IQGAP2: variants seen among roughly 807,000 people sequenced by gnomAD.
IQGAP2 encodes IQ motif containing GTPase activating protein 2.
In IQGAP2, 173 loss-of-function variants were observed where a neutral mutation model predicts 201.3. The ratio of observed to expected loss-of-function variants is 0.86; its 90% CI spans 0.76 to 0.98. IQGAP2 has a LOEUF of 0.98. Among genes scored for constraint, IQGAP2 ranks in the 50% least tolerant of loss-of-function variants. The pLI, the probability that IQGAP2 is intolerant of heterozygous loss-of-function variation, is 0.00. For synonymous variants in IQGAP2, 675 were observed against 673.9 expected (o/e 1.00, Z -0.03); for missense variants, 1,687 against 1,864.8 (o/e 0.90, Z 1.76).
rs112942370 is a variant in IQGAP2, at chr5:76,556,502, C to T, written c.147-5894C>T. ...CTTACCAAGGACTCCCATACCCTTG[C>T]TATCTGCCTGCGTGATTTCTTCTTA... On this transcript the variant is annotated intron_variant, in intron 2 of 35. Transcript: ENST00000274364. Among the ~76,000 whole-genome samples, 627 of 152,310 alleles carry T rather than the reference C, an allele frequency of 4.1e-3. 2 individuals are homozygous for T. Among genetic ancestry groups the T allele is most frequent in the East Asian group, 0.015 (76 of 5,190 alleles).
chr5:76,480,760 T>C (rs1404413934), intron 2 of IQGAP2, among the ~76,000 whole-genome samples: 8 of 152,240 alleles, frequency 5.3e-5, no homozygotes. Context: ...GTACCTTGAC[T>C]GAGGATGTGA....
Position 76,683,134 on chromosome 5 carries a change from A to T in IQGAP2, c.3680A>T (p.Asp1227Val). 1 of 1,610,994 alleles carries T rather than the reference A, an allele frequency of 6.2e-7. No homozygotes were observed. Among genetic ancestry groups the T allele is most frequent in the Non-Finnish European group, 8.5e-7 (1 of 1,178,298 alleles). Residue 1227 changes from aspartate (D) to valine (V), a missense_variant, in exon 29 of 36, where the codon GAT becomes GTT. Asp to Val is a radical substitution (Grantham distance 152, BLOSUM62 -3). Coordinates refer to ENST00000274364, the MANE Select transcript of IQGAP2 (RefSeq NM_006633.5). The stretch of plus-strand genomic sequence containing the variant: ...ATAAAGCTCCTGTTGGAACACCAGG[A>T]TGCAATTGCCCCTGAGAAAAATGAC... ...STHSLLLEHQ[D>V]AIAPEKNDLL...
intron 17 of IQGAP2, 128 bp downstream of exon 17, chr5:76,641,231 A>G (rs1393394103): frequency 1.6e-6 from 1 of 644,822 alleles, no homozygotes. Context: ...TTACATAATC[A>G]GTGCCCCTAG....
intron 2 of IQGAP2, among the ~76,000 whole-genome samples, chr5:76,490,897 A>T (rs1756497289): frequency 6.6e-6 from 1 of 152,174 alleles, no homozygotes; most frequent in East Asian, 1.9e-4. Flanking sequence ...TAAATATTCA[A>T]GTTTAAAAGC....
At chr5:76,657,172 C>T (rs781337228) in intron 20 of IQGAP2, among the ~76,000 whole-genome samples, 61 of 152,246 alleles carry the variant, frequency 4.0e-4, no homozygotes, top group African/African-American at 7.2e-4. Flanking sequence ...TAGTTTTTTC[C>T]GATGGGACTG....
intron 1 of IQGAP2, among the ~76,000 whole-genome samples, chr5:76,415,680 A>T (rs1438279647): frequency 6.6e-6 from 1 of 152,216 alleles, no homozygotes; most frequent in East Asian, 1.9e-4. Context: ...AGTGGTTCCC[A>T]CCTGTAATCC....
chr5:76,419,828 T>C (rs1217079062), intron 1 of IQGAP2, among the ~76,000 whole-genome samples: 1 of 152,284 alleles, frequency 6.6e-6, no homozygotes, highest in Non-Finnish European at 1.5e-5. Flanking sequence ...CCCTAAATCC[T>C]TCAGCACACA....
intron 1 of IQGAP2, among the ~76,000 whole-genome samples, chr5:76,409,982 T>A (rs1046666713): frequency 6.6e-6 from 1 of 152,212 alleles, no homozygotes; most frequent in Non-Finnish European, 1.5e-5. Flanking sequence ...GATATATCTA[T>A]AGAGGTGGCT....
chr5:76,485,525 A>G (rs1756074272), intron 2 of IQGAP2, among the ~76,000 whole-genome samples: 1 of 151,916 alleles, frequency 6.6e-6, no homozygotes, highest in Admixed American at 6.6e-5. Flanking sequence ...TACATTGAAA[A>G]CCACCCAGTA....
intron 13 of IQGAP2, chr5:76,618,037 A>T: frequency 6.2e-7 from 1 of 1,614,192 alleles, no homozygotes; most frequent in South Asian, 1.1e-5. Flanking sequence ...GGCAGCATAT[A>T]TAAGAAAACT....
At chr5:76,570,536 G>T (rs1361087060) in intron 3 of IQGAP2, 44 bp from the exon 4 acceptor site, 1 of 1,344,880 alleles carries the variant, frequency 7.4e-7, no homozygotes, top group Non-Finnish European at 1.1e-6. Context: ...CTCACTTTTT[G>T]TGTGGTTCCT....
intron 2 of IQGAP2, among the ~76,000 whole-genome samples, chr5:76,488,429 T>A (rs1756311037): frequency 1.3e-5 from 2 of 152,226 alleles, no homozygotes; most frequent in Non-Finnish European, 2.9e-5. Flanking sequence ...TGAATGCCTA[T>A]CTTTTAAGAT....
Position 76,668,843 on chromosome 5 carries a change from A to C in IQGAP2, c.2842A>C (p.Lys948Gln). 6.3e-7 allele frequency: 1 copy of C among 1,576,220 alleles called. No homozygotes were observed. Among genetic ancestry groups the C allele is most frequent in the Non-Finnish European group, 8.6e-7 (1 of 1,156,544 alleles). ...TAAAACTGCTCTGGAGGAAGAAATAAAGTATGTATACAAATATGTATGTAA... is the reference window on the plus strand; with the variant it reads ...TAAAACTGCTCTGGAGGAAGAAATACAGTATGTATACAAATATGTATGTAA... ...LFKTALEEEI[K>Q]SKVDQVQDIV... The change falls in exon 23 of 36, where the codon AAA (lysine) becomes CAA (glutamine). Residue 948 changes from lysine (K) to glutamine (Q), a missense_variant and splice_region_variant. Physicochemically the swap from Lys to Gln is moderately conservative, Grantham distance 53. Coordinates refer to ENST00000274364, the MANE Select transcript of IQGAP2 (RefSeq NM_006633.5).
At position 76,674,459 on chromosome 5, in the gene IQGAP2, A is replaced by C; in HGVS notation, c.3295-18A>C. ...TTTTCTCTCTTAAAAATGGTCATGC[A>C]CTTCTGCGTCACTCCAGATTGTTGG... is the stretch of plus-strand genomic sequence containing the variant. On this transcript the variant is annotated intron_variant, in intron 26 of 35. Transcript: ENST00000274364. 6.6e-7 allele frequency: 1 copy of C among 1,503,844 alleles called. No homozygotes were observed. Among genetic ancestry groups the C allele is most frequent in the Non-Finnish European group, 9.2e-7 (1 of 1,088,672 alleles). The allele number at this position is 1,503,844 out of a possible 1,614,324, so 93.2% of individuals were successfully genotyped here. A position where few individuals can be genotyped will look rare whatever the true frequency, so the allele number is the denominator to read the frequency against.
chr5:76,488,773 A>T (rs1756332435), intron 2 of IQGAP2, among the ~76,000 whole-genome samples: 1 of 152,192 alleles, frequency 6.6e-6, no homozygotes. Context: ...AGCTTATATT[A>T]GGAAGATTAG....
At chr5:76,659,760 T>C (rs1462560555) in intron 21 of IQGAP2, among the ~76,000 whole-genome samples, 1 of 152,136 alleles carries the variant, frequency 6.6e-6, no homozygotes, top group Non-Finnish European at 1.5e-5. Flanking sequence ...CCCTGCTCAC[T>C]AGAAACCAAG....
chr5:76,589,136 C>G (rs1746455268), intron 6 of IQGAP2, among the ~76,000 whole-genome samples, 163 bp downstream of exon 6: 1 of 150,514 alleles, frequency 6.6e-6, no homozygotes, highest in African/African-American at 2.4e-5. Flanking sequence ...ACAGTGAAAC[C>G]CCGTCTCTAC....
At chr5:76,622,701 C>A (rs371157905) in intron 13 of IQGAP2, among the ~76,000 whole-genome samples, 1 of 152,238 alleles carries the variant, frequency 6.6e-6, no homozygotes, top group Middle Eastern at 3.4e-3. Flanking sequence ...TCATTCATTT[C>A]GGAAATACTG....
chr5:76,471,376 A>AAAAAACAAC (rs1755095855), intron 2 of IQGAP2, among the ~76,000 whole-genome samples: 1 of 144,796 alleles, frequency 6.9e-6, no homozygotes, highest in Non-Finnish European at 1.5e-5. Context: ...AAAAAAAAAA[A>AAAAAACAAC]AAAAAAAAAA....
Sources: allele counts gnomAD v4.1 joint callset (sites outside exome capture counted in the v4.1 genomes callset), GRCh38; gene constraint gnomAD v4.1.1; transcripts MANE v1.5; gene names NCBI Gene and HGNC (gene_info 2026-07-23, HGNC 2026-07-21).